Variants in SDS observed in about 807,000 individuals in gnomAD.
SDS encodes serine dehydratase, also known as L-serine dehydratase/L-threonine deaminase.
Under a neutral mutation model 29.3 loss-of-function variants are expected in SDS, and 19 were observed. That is an observed-to-expected ratio of 0.65 (90% CI 0.45 to 0.95). The LOEUF (loss-of-function observed/expected upper bound fraction) is 0.95. Ranked by LOEUF, SDS falls within the 40% of genes least tolerant of loss-of-function variation. The probability of loss-of-function intolerance (pLI) is 0.00; values close to 1 mark genes in which losing one functional copy is unlikely to be tolerated. For missense variants in SDS, 375 were observed against 439.9 expected (o/e 0.85, Z 1.32); for synonymous variants, 176 against 189.0 (o/e 0.93, Z 0.56).
intron 1 of SDS, among the ~76,000 whole-genome samples, chr12:113,402,574 T>C (rs1390766959): frequency 1.3e-5 from 2 of 152,204 alleles, no homozygotes; most frequent in African/African-American, 4.8e-5. Context: ...ATTACAGGCG[T>C]GAGCCACCAC....
In SDS at chr12:113,395,534, A is replaced by T. The variant is rs202083542; in HGVS notation, c.654-1518T>A. On this transcript the variant is annotated intron_variant, in intron 6 of 7. Transcript: ENST00000257549. ...CCTTGCAGCTGGATGTGGCCATGTGACTAAGTTCAGGCCAACGAAAGGTAA... is the reference window on the plus strand; with the variant it reads ...CCTTGCAGCTGGATGTGGCCATGTGTCTAAGTTCAGGCCAACGAAAGGTAA... Among the ~76,000 whole-genome samples, 14 of 152,284 alleles carry T rather than the reference A, an allele frequency of 9.2e-5. No individual in the cohort carries two copies. The East Asian group carries it at 2.7e-3, about 29-fold the overall frequency.
Position 113,402,141 on chromosome 12 carries a change from C to T in SDS, c.-3+1627G>A, listed in dbSNP as rs533269316. 2.0e-4 allele frequency among the ~76,000 whole-genome samples: 30 copies of T among 152,286 alleles called. 1 individual carries two copies. Among genetic ancestry groups the T allele is most frequent in the East Asian group, 7.7e-4 (4 of 5,182 alleles). On this transcript the variant is annotated intron_variant, in intron 1 of 7. Transcript: ENST00000257549. ...TTGTCTATCTGAATTAACTGACATT[C>T]GGGGCCTGGGAGGGGAACTTGAACA...
chr12:113,393,033 C>T lies in SDS; in HGVS notation c.895G>A (p.Val299Met), dbSNP rs1343536702. 2 of 1,614,100 alleles carry T rather than the reference C, an allele frequency of 1.2e-6. No individual in the cohort carries two copies. Among genetic ancestry groups the T allele is most frequent in the East Asian group, 2.2e-5 (1 of 44,890 alleles). The change falls in exon 8 of 8, where the codon GTG becomes ATG. Residue 299 changes from valine (V) to methionine (M), a missense_variant. Val to Met is a conservative substitution (Grantham distance 21, BLOSUM62 1). Coordinates refer to ENST00000257549, the MANE Select transcript of SDS (RefSeq NM_006843.3). Reference protein sequence around the residue: ...GNLRTPLPSLVVIVCGGSNIS... With the variant: ...GNLRTPLPSLMVIVCGGSNIS... ...TTGCTGCCCCCGCAGACGATGACCA[C>T]GAGGGATGGCAGCGGGGTTCGGAGA... is the stretch of plus-strand genomic sequence containing the variant.
In SDS at chr12:113,393,009, T is replaced by A. The variant is rs1243725012; in HGVS notation, c.919A>T (p.Asn307Tyr). The change falls in exon 8 of 8, where the codon AAC (asparagine) becomes TAC (tyrosine). Residue 307 changes from asparagine to tyrosine, a missense_variant. Coordinates refer to ENST00000257549, the MANE Select transcript of SDS (RefSeq NM_006843.3). ...GCCCGCAGCTGGGCCAGGCTGATGT[T>A]GCTGCCCCCGCAGACGATGACCACG... ...SLVVIVCGGSNISLAQLRALK... is the reference protein window; with the variant it reads ...SLVVIVCGGSYISLAQLRALK... The A allele has an allele frequency of 1.9e-6, 3 of 1,614,202 alleles. No individual in the cohort carries two copies. Among genetic ancestry groups the A allele is most frequent in the Non-Finnish European group, 2.5e-6 (3 of 1,180,040 alleles).
chr12:113,394,071 T>C (rs1446433193), intron 6 of SDS, 55 bp from the exon 7 acceptor site: 21 of 1,478,586 alleles, frequency 1.4e-5, no homozygotes, highest in Non-Finnish European at 1.7e-5. Context: ...AGGAGAGAGA[T>C]GGGGGCAGGG....
chr12:113,392,860 A>G lies in SDS; in HGVS notation c.*81T>C. 2.2e-6 allele frequency: 3 copies of G among 1,347,686 alleles called. No individual in the cohort carries two copies. Among genetic ancestry groups the G allele is most frequent in the Non-Finnish European group, 3.1e-6 (3 of 955,234 alleles). 83.5% of individuals were successfully genotyped at this position (1,347,686 alleles called of 1,614,324 possible). On this transcript the variant is annotated 3_prime_UTR_variant, in exon 8 of 8. Transcript: ENST00000257549. ...AGGCCACAGGTGCTCAGCCAAACATACGACGAGGCGCTGGATAAAACTCCA... is the reference window on the plus strand; with the variant it reads ...AGGCCACAGGTGCTCAGCCAAACATGCGACGAGGCGCTGGATAAAACTCCA...
chr12:113,401,875 G>C (rs1194913847), intron 1 of SDS, among the ~76,000 whole-genome samples: 1 of 152,170 alleles, frequency 6.6e-6, no homozygotes, highest in African/African-American at 2.4e-5. Flanking sequence ...ATCAGCTGAC[G>C]ATGGCCAAGG....
intron 6 of SDS, among the ~76,000 whole-genome samples, chr12:113,395,432 G>T (rs1957638654): frequency 6.6e-6 from 1 of 152,190 alleles, no homozygotes; most frequent in Non-Finnish European, 1.5e-5. Flanking sequence ...CCTATCTGTA[G>T]GGGAGACTAT....
Position 113,397,396 on chromosome 12 carries a change from G to A in SDS, c.426-4C>T, listed in dbSNP as rs749269129. On this transcript the variant is annotated splice_region_variant and splice_polypyrimidine_tract_variant and intron_variant, in intron 5 of 7. Coordinates refer to ENST00000257549, the MANE Select transcript of SDS (RefSeq NM_006843.3). ...CACGATGGAAGCGTGGCCTTCCCTG[G>A]AGGGTGGGGAGAGGGGGTGGCAGGT... 6.3e-7 allele frequency: 1 copy of A among 1,598,908 alleles called. No homozygotes were observed. Among genetic ancestry groups the A allele is most frequent in the Non-Finnish European group, 8.6e-7 (1 of 1,169,364 alleles).
intron 5 of SDS, 70 bp from the exon 6 acceptor site, chr12:113,397,462 C>G (rs779194883): frequency 2.3e-6 from 3 of 1,305,194 alleles, no homozygotes; most frequent in African/African-American, 2.9e-5. Flanking sequence ...AGGTTTGCAC[C>G]GGCCTTATCC....
At chr12:113,397,647 CA>C (rs1437596824) in intron 5 of SDS, among the ~76,000 whole-genome samples, 2 of 152,178 alleles carry the variant, frequency 1.3e-5, no homozygotes, top group Non-Finnish European at 1.5e-5. Flanking sequence ...AGTCGGTGTA[CA>C]AACTCCCCTG....
At chr12:113,394,587 C>T (rs897448934) in intron 6 of SDS, among the ~76,000 whole-genome samples, 5 of 151,978 alleles carry the variant, frequency 3.3e-5, no homozygotes, top group African/African-American at 9.7e-5. Flanking sequence ...TGATCCACCC[C>T]CCTCGGCCTT....
At chr12:113,401,133 C>CA (rs1435235025) in intron 1 of SDS, among the ~76,000 whole-genome samples, 1 of 151,994 alleles carries the variant, frequency 6.6e-6, no homozygotes, top group Non-Finnish European at 1.5e-5. Flanking sequence ...AACAAACAAA[C>CA]AAAAACAACC....
At position 113,399,345 on chromosome 12, in the gene SDS, G is replaced by A. The variant is rs144544597; in HGVS notation, c.154-194C>T. Reference sequence around the variant, plus strand: ...GCTCAGGAAAGGGTGGAGGAAAATAGGCGACTGATGGCTCTGGGATCAGTC... The same window carrying A: ...GCTCAGGAAAGGGTGGAGGAAAATAAGCGACTGATGGCTCTGGGATCAGTC... On this transcript the variant is annotated intron_variant, in intron 2 of 7. Transcript: ENST00000257549. 609 of 826,508 alleles carry A rather than the reference G, an allele frequency of 7.4e-4. 4 individuals carry two copies. In the Middle Eastern group the frequency reaches 0.01, roughly 14 times the overall value. 51.2% of individuals were successfully genotyped at this position (826,508 alleles called of 1,614,324 possible).
In SDS at chr12:113,400,294, G is replaced by GA. The variant is rs777295542; in HGVS notation, c.-2-585dup. ...GTGACAGAGCAAGACTCTGTCTTGA[G>GA]AAAAAAAAAAAAAAGAAGAAGAAAG... On this transcript the variant is annotated intron_variant, in intron 1 of 7. Transcript: ENST00000257549. 8.5e-3 allele frequency among the ~76,000 whole-genome samples: 1,091 copies of GA among 128,288 alleles called. 9 individuals are homozygous for GA. The highest frequency in any genetic ancestry group is 0.023 in the African/African-American group (786 of 34,754). 84.2% of individuals were successfully genotyped at this position (128,288 alleles called of 152,430 possible).
At chr12:113,396,567 T>C (rs1957647583) in intron 6 of SDS, 1 of 98,008 alleles carries the variant, frequency 1.0e-5, no homozygotes, top group East Asian at 3.8e-4. Context: ...CCTTCCTTCC[T>C]TCCTTCCTTC....
At position 113,393,064 on chromosome 12, in the gene SDS, C is replaced by T. The variant is rs1375828972; in HGVS notation, c.864G>A (p.Glu288=). Residue 288 remains glutamate (E), a synonymous_variant, in exon 8 of 8, where the codon GAG becomes GAA. Transcript: ENST00000257549. ...ATGGCAGCGGGGTTCGGAGATTCCCCTCCAGTTGGAGCTTCTGGATCACGT... is the reference window on the plus strand; with the variant it reads ...ATGGCAGCGGGGTTCGGAGATTCCCTTCCAGTTGGAGCTTCTGGATCACGT... ...YSHVIQKLQL[E]GNLRTPLPSL... The T allele has an allele frequency of 1.2e-6, 2 of 1,614,116 alleles. No homozygotes were observed. The highest frequency in any genetic ancestry group is 1.3e-5 in the African/African-American group (1 of 74,954).
rs762078151 is a variant in SDS, at chr12:113,393,070, T to C, written c.858A>G (p.Gln286=). ...AVYSHVIQKL[Q]LEGNLRTPLP... is the part of the protein sequence containing the mutation. Reference sequence around the variant, plus strand: ...GCGGGGTTCGGAGATTCCCCTCCAGTTGGAGCTTCTGGATCACGTGGCTAT... The same window carrying C: ...GCGGGGTTCGGAGATTCCCCTCCAGCTGGAGCTTCTGGATCACGTGGCTAT... The change falls in exon 8 of 8, where the codon CAA becomes CAG. Residue 286 remains glutamine (Q), a synonymous_variant. Coordinates refer to ENST00000257549, the MANE Select transcript of SDS (RefSeq NM_006843.3). 2.5e-6 allele frequency: 4 copies of C among 1,614,210 alleles called. No individual in the cohort carries two copies. Among genetic ancestry groups the C allele is most frequent in the Non-Finnish European group, 3.4e-6 (4 of 1,180,028 alleles).
At position 113,394,012 on chromosome 12, in the gene SDS, C is replaced by A; in HGVS notation, c.658G>T (p.Ala220Ser). The A allele has an allele frequency of 6.2e-7, 1 of 1,613,684 alleles. No homozygotes were observed. The highest frequency in any genetic ancestry group is 1.1e-5 in the South Asian group (1 of 91,040). Residue 220 changes from alanine to serine, a missense_variant, in exon 7 of 8, where the codon GCC becomes TCC. Transcript: ENST00000257549. ...ACAGTCTTCACGCCCAGGGCCTTGG[C>A]AACACTGAGAGAAGTGGGAACCCAG... ...LVSLPKITSV[A>S]KALGVKTVGA... is the part of the protein sequence containing the mutation.
Sources: allele counts gnomAD v4.1 joint callset (sites outside exome capture counted in the v4.1 genomes callset), GRCh38; gene constraint gnomAD v4.1.1; transcripts MANE v1.5; gene names NCBI Gene and HGNC (gene_info 2026-07-23, HGNC 2026-07-21).